RASA1: variants seen among roughly 807,000 people sequenced by gnomAD.
The protein encoded by RASA1 is RAS p21 protein activator 1, also known as ras GTPase-activating protein 1.
A neutral mutation model predicts 132.2 loss-of-function variants in RASA1; 25 were observed. The observed-to-expected ratio is 0.19, with a 90% CI of 0.14 to 0.26. RASA1 has a LOEUF of 0.26. Among genes scored for constraint, RASA1 ranks in the 10% least tolerant of loss-of-function variants. RASA1 has a pLI of 1.00. For missense variants in RASA1, 964 were observed against 1,299.2 expected (o/e 0.74, Z 3.97); for synonymous variants, 477 against 449.9 (o/e 1.06, Z -0.76).
intron 1 of RASA1, among the ~76,000 whole-genome samples, chr5:87,297,138 G>T (rs114116658): frequency 0.018 from 2,735 of 151,876 alleles, 44 homozygotes; most frequent in Non-Finnish European, 0.024. Context: ...TAGAATTTCC[G>T]TTTCTCTGCT....
chr5:87,315,509 T>C (rs566529311), intron 1 of RASA1, among the ~76,000 whole-genome samples: 2 of 152,356 alleles, frequency 1.3e-5, no homozygotes, highest in East Asian at 3.9e-4. Flanking sequence ...ATTAAGTTTC[T>C]AACAAAGGAA....
chr5:87,355,505 G>C (rs1023972371), intron 9 of RASA1, among the ~76,000 whole-genome samples: 51 of 152,216 alleles, frequency 3.4e-4, no homozygotes, highest in Non-Finnish European at 6.0e-4. Flanking sequence ...CAATTCCTTT[G>C]AAAATGTTAC....
At chr5:87,274,381 CAT>C in intron 1 of RASA1, among the ~76,000 whole-genome samples, 1 of 152,090 alleles carries the variant, frequency 6.6e-6, no homozygotes, top group Non-Finnish European at 1.5e-5. Flanking sequence ...AATGTTAGAA[CAT>C]GTAGCATTCA....
At chr5:87,340,222 T>A (rs376332497) in intron 5 of RASA1, among the ~76,000 whole-genome samples, 86 of 152,262 alleles carry the variant, frequency 5.6e-4, no homozygotes, top group Middle Eastern at 6.8e-3. Context: ...TCAGTTCATA[T>A]GTCATCCCTG....
chr5:87,284,101 T>C (rs570289363), intron 1 of RASA1, among the ~76,000 whole-genome samples: 20 of 152,244 alleles, frequency 1.3e-4, no homozygotes, highest in Admixed American at 5.9e-4. Flanking sequence ...AAACAACATA[T>C]AACGAAACCC....
At chr5:87,321,944 TG>T in intron 1 of RASA1, among the ~76,000 whole-genome samples, 1 of 152,200 alleles carries the variant, frequency 6.6e-6, no homozygotes, top group Non-Finnish European at 1.5e-5. Flanking sequence ...TCAGGGATAT[TG>T]TTTCCTGAGG....
At chr5:87,367,114 C>T (rs923714825) in intron 11 of RASA1, among the ~76,000 whole-genome samples, 3 of 152,022 alleles carry the variant, frequency 2.0e-5, no homozygotes, top group African/African-American at 7.2e-5. Context: ...TTTAAAGTGC[C>T]TTCCTGTGAA....
intron 9 of RASA1, among the ~76,000 whole-genome samples, chr5:87,359,054 A>C (rs1343041849): frequency 6.6e-6 from 1 of 152,088 alleles, no homozygotes; most frequent in Admixed American, 6.6e-5. Context: ...TTTATTTTTA[A>C]TCTTTCCCTG....
At chr5:87,283,423 G>A (rs1754409126) in intron 1 of RASA1, among the ~76,000 whole-genome samples, 1 of 151,374 alleles carries the variant, frequency 6.6e-6, no homozygotes, top group South Asian at 2.1e-4. Context: ...TGTATGTTGG[G>A]CATTTTGGCT....
rs1312944855 is a variant in RASA1, at chr5:87,268,836, G to T, written c.385G>T (p.Gly129Trp). 6.2e-7 allele frequency: 1 copy of T among 1,614,094 alleles called. No homozygotes were observed. Among genetic ancestry groups the T allele is most frequent in the African/African-American group, 1.3e-5 (1 of 75,034 alleles). Residue 129 changes from glycine (G) to tryptophan (W), a missense_variant, in exon 1 of 25, where the codon GGG becomes TGG. Physicochemically the swap from Gly to Trp is radical, Grantham distance 184. This residue lies in a region of RASA1 where 326 missense variants were observed against 275.8 expected (regional missense o/e 1.18). Coordinates refer to ENST00000274376, the MANE Select transcript of RASA1 (RefSeq NM_002890.3). Reference protein sequence around the residue: ...LPTSLLAETLGPGGGFPPLPP... With the variant: ...LPTSLLAETLWPGGGFPPLPP... ...CACTTCGTTGCTTGCTGAGACTCTC[G>T]GGCCAGGCGGCGGTTTTCCCCCTCT...
intron 4 of RASA1, among the ~76,000 whole-genome samples, chr5:87,334,621 GT>G (rs1343656130): frequency 1.3e-5 from 2 of 152,192 alleles, no homozygotes; most frequent in African/African-American, 4.8e-5. Context: ...GCAATGGATG[GT>G]AAAACTGCTG....
chr5:87,300,160 G>A (rs943861062), intron 1 of RASA1, among the ~76,000 whole-genome samples: 11 of 152,084 alleles, frequency 7.2e-5, no homozygotes, highest in Admixed American at 2.0e-4. Flanking sequence ...GCATGAGCCC[G>A]GGAGTTAGAG....
At chr5:87,298,461 C>A (rs1373712422) in intron 1 of RASA1, among the ~76,000 whole-genome samples, 1 of 150,398 alleles carries the variant, frequency 6.6e-6, no homozygotes, top group African/African-American at 2.4e-5. Flanking sequence ...AGGAAACTGA[C>A]AGGCAGCAGC....
intron 1 of RASA1, among the ~76,000 whole-genome samples, chr5:87,307,489 CAA>C (rs1440775411): frequency 2.0e-5 from 3 of 152,050 alleles, no homozygotes; most frequent in Non-Finnish European, 4.4e-5. Flanking sequence ...ACAACAACAA[CAA>C]CACAAAACTG....
At chr5:87,374,951 A>G in intron 15 of RASA1, 35 bp downstream of exon 15, 5 of 1,588,906 alleles carry the variant, frequency 3.1e-6, no homozygotes, top group Non-Finnish European at 4.3e-6. Flanking sequence ...AAATAGAAAA[A>G]GCATGTTTTA....
intron 1 of RASA1, among the ~76,000 whole-genome samples, chr5:87,298,135 C>A (rs1755200268): frequency 6.6e-6 from 1 of 152,010 alleles, no homozygotes; most frequent in Non-Finnish European, 1.5e-5. Flanking sequence ...GGAGGCTGGG[C>A]ACGGTGGCTC....
rs1561292307 is a variant in RASA1, at chr5:87,338,516, TA to T, written c.1017+426del. 3.4e-4 allele frequency among the ~76,000 whole-genome samples: 34 copies of T among 99,322 alleles called. 3 individuals are homozygous for T. Among genetic ancestry groups the T allele is most frequent in the South Asian group, 7.1e-4 (2 of 2,826 alleles). 65.2% of individuals were successfully genotyped at this position (99,322 alleles called of 152,430 possible). ...CCAGCTAATTTTATATATATATATATATATATATATATATATAAAATTTTTT... is the reference window on the plus strand; with the variant it reads ...CCAGCTAATTTTATATATATATATATTATATATATATATATAAAATTTTTT... On this transcript the variant is annotated intron_variant, in intron 5 of 24. Coordinates refer to ENST00000274376, the MANE Select transcript of RASA1 (RefSeq NM_002890.3).
rs969604375 is a variant in RASA1, at chr5:87,268,490, G to T, written c.39G>T (p.Pro13=). ...AAEAGSEEGG[P]VTAGAGGGGA... Reference sequence around the variant, plus strand: ...AGGCCGGCAGTGAGGAGGGCGGCCCGGTAACAGCCGGAGCTGGAGGAGGCG... The same window carrying T: ...AGGCCGGCAGTGAGGAGGGCGGCCCTGTAACAGCCGGAGCTGGAGGAGGCG... The change falls in exon 1 of 25, where the codon CCG becomes CCT. Residue 13 remains proline (P), a synonymous_variant. Coordinates refer to ENST00000274376, the MANE Select transcript of RASA1 (RefSeq NM_002890.3). 5.8e-6 allele frequency: 9 copies of T among 1,557,948 alleles called. No homozygotes were observed. The Admixed American group carries it at 7.8e-5, about 14-fold the overall frequency.
intron 1 of RASA1, among the ~76,000 whole-genome samples, chr5:87,276,749 C>T (rs922838269): frequency 5.9e-5 from 9 of 152,114 alleles, no homozygotes; most frequent in African/African-American, 2.2e-4. Flanking sequence ...AGGATTATTA[C>T]AGTGAGAAAG....
Sources: allele counts gnomAD v4.1 joint callset (sites outside exome capture counted in the v4.1 genomes callset), GRCh38; gene constraint gnomAD v4.1.1; regional missense constraint gnomAD v4.1.1; transcripts MANE v1.5; gene names NCBI Gene and HGNC (gene_info 2026-07-23, HGNC 2026-07-21).